The following RBFOX1 variants were observed in gnomAD, a reference collection of about 807,000 sequenced individuals.
The protein encoded by RBFOX1 is RNA binding protein fox-1 homolog 1.
Under a neutral mutation model 57.7 loss-of-function variants are expected in RBFOX1, and 8 were observed. The ratio of observed to expected loss-of-function variants is 0.14; its 90% CI spans 0.08 to 0.25. RBFOX1 has a LOEUF of 0.25. RBFOX1 is among the 10% of genes least tolerant of loss of function. The pLI is 1.00. For missense variants in RBFOX1, 611 were observed against 548.5 expected (o/e 1.11, Z -1.14); for synonymous variants, 326 against 222.4 (o/e 1.47, Z -4.15).
intron 1 of RBFOX1, among the ~76,000 whole-genome samples, chr16:6,045,527 GTTCA>G (rs1282523616): frequency 3.9e-5 from 6 of 152,216 alleles, no homozygotes; most frequent in East Asian, 1.9e-4. Flanking sequence ...TCATTCATTT[GTTCA>G]TTCATTCATT....
intron 4 of RBFOX1, among the ~76,000 whole-genome samples, chr16:7,418,435 A>T (rs1322244527): frequency 2.6e-5 from 4 of 152,162 alleles, no homozygotes; most frequent in Non-Finnish European, 2.9e-5. Context: ...TGAGGTGACC[A>T]CTGCCCCTTT....
At chr16:6,965,482 G>A (rs1194678819) in intron 3 of RBFOX1, among the ~76,000 whole-genome samples, 4 of 151,980 alleles carry the variant, frequency 2.6e-5, no homozygotes, top group Non-Finnish European at 4.4e-5. Context: ...GATTACAGGC[G>A]TGCGCCACCA....
At chr16:5,546,147 C>T (rs1482695845) in intron 2 of RBFOX1, among the ~76,000 whole-genome samples, 1 of 151,974 alleles carries the variant, frequency 6.6e-6, no homozygotes, top group African/African-American at 2.4e-5. Flanking sequence ...CTGAAAATTA[C>T]AATATATTAA....
intron 3 of RBFOX1, among the ~76,000 whole-genome samples, chr16:6,723,353 A>T (rs914950339): frequency 5.3e-5 from 8 of 151,896 alleles, no homozygotes; most frequent in Non-Finnish European, 1.0e-4. Flanking sequence ...AGGTTATAAC[A>T]TTGAGTATAG....
chr16:7,149,434 G>T (rs1291067873), intron 4 of RBFOX1, among the ~76,000 whole-genome samples: 1 of 151,170 alleles, frequency 6.6e-6, no homozygotes, highest in African/African-American at 2.4e-5. Flanking sequence ...TGTCTTTCAT[G>T]GATTGGTGCA....
intron 1 of RBFOX1, among the ~76,000 whole-genome samples, chr16:5,410,153 C>G (rs531041501): frequency 6.6e-6 from 1 of 151,522 alleles, no homozygotes; most frequent in African/African-American, 2.4e-5. Flanking sequence ...CACTTCAGCC[C>G]AGGAGTTCGA....
At chr16:7,685,194 C>G (rs1052696445) in intron 14 of RBFOX1, among the ~76,000 whole-genome samples, 45 of 152,066 alleles carry the variant, frequency 3.0e-4, no homozygotes, top group African/African-American at 1.0e-3. Context: ...CTGTTCTACC[C>G]CGATATGCCA....
chr16:7,529,411 A>T (rs1202458961), intron 5 of RBFOX1, among the ~76,000 whole-genome samples: 1 of 152,230 alleles, frequency 6.6e-6, no homozygotes, highest in Non-Finnish European at 1.5e-5. Context: ...ACAAAATTAC[A>T]AGCGTGATGG....
chr16:6,556,247 C>G (rs1272618136), intron 2 of RBFOX1, among the ~76,000 whole-genome samples: 1 of 152,110 alleles, frequency 6.6e-6, no homozygotes, highest in Non-Finnish European at 1.5e-5. Context: ...TATCACGGAT[C>G]CTGCATGTGT....
At chr16:5,690,757 A>G (rs1344854857) in intron 3 of RBFOX1, among the ~76,000 whole-genome samples, 1 of 152,134 alleles carries the variant, frequency 6.6e-6, no homozygotes, top group Non-Finnish European at 1.5e-5. Context: ...GTCTTTCTCT[A>G]AGAAGCTGTG....
chr16:7,118,501 A>G (rs1009304931), intron 4 of RBFOX1, among the ~76,000 whole-genome samples: 4 of 152,172 alleles, frequency 2.6e-5, no homozygotes, highest in Non-Finnish European at 5.9e-5. Context: ...GTTGACAGGT[A>G]CACTCAAAGC....
intron 4 of RBFOX1, among the ~76,000 whole-genome samples, chr16:7,210,837 A>T (rs1009621821): frequency 6.6e-6 from 1 of 152,174 alleles, no homozygotes; most frequent in African/African-American, 2.4e-5. Context: ...GTACAGTATG[A>T]TGACTCTAAG....
At chr16:6,093,025 C>T (rs1287594695) in intron 1 of RBFOX1, 1 of 152,120 alleles carries the variant, frequency 6.6e-6, no homozygotes, top group Non-Finnish European at 1.5e-5. Flanking sequence ...ATGCAATTTA[C>T]CTGTATGACA....
chr16:7,529,790 C>G (rs1475497906), intron 5 of RBFOX1, among the ~76,000 whole-genome samples: 4 of 152,066 alleles, frequency 2.6e-5, no homozygotes, highest in South Asian at 2.1e-4. Context: ...GGGCAGATCA[C>G]TTGAGGTCAG....
At chr16:5,681,618 C>T (rs1038910498) in intron 3 of RBFOX1, among the ~76,000 whole-genome samples, 2 of 152,012 alleles carry the variant, frequency 1.3e-5, no homozygotes, top group Non-Finnish European at 1.5e-5. Context: ...GACTCGAACT[C>T]CCGACCTCAG....
chr16:6,981,586 G>A (rs1226851773), intron 3 of RBFOX1, among the ~76,000 whole-genome samples: 2 of 152,132 alleles, frequency 1.3e-5, no homozygotes, highest in African/African-American at 4.8e-5. Context: ...CACGTGGCTG[G>A]GGAGGCCTCA....
chr16:7,135,464 A>T (rs1487588572), intron 4 of RBFOX1, among the ~76,000 whole-genome samples: 2 of 152,266 alleles, frequency 1.3e-5, no homozygotes, highest in African/African-American at 4.8e-5. Context: ...AAGCTACAGC[A>T]AATTAAAGGG....
At chr16:6,796,512 A>G (rs985634792) in intron 3 of RBFOX1, among the ~76,000 whole-genome samples, 12 of 152,154 alleles carry the variant, frequency 7.9e-5, no homozygotes, top group Non-Finnish European at 1.8e-4. Flanking sequence ...TCTTTCATCC[A>G]CTGTAAATAA....
intron 1 of RBFOX1, among the ~76,000 whole-genome samples, chr16:5,339,470 G>GTTTTTTGTTTTTTT (rs2064982780): frequency 2.4e-5 from 1 of 40,854 alleles, no homozygotes; most frequent in African/African-American, 8.2e-5. Context: ...CTTTTTCCGT[G>GTTTTTTGTTTTTTT]TTTTTTTTTT....
Sources: gnomAD v4.1 joint callset for allele counts (sites outside exome capture counted in the v4.1 genomes callset) on GRCh38, gnomAD v4.1.1 for gene constraint, MANE v1.5 for transcripts, NCBI Gene and HGNC (gene_info 2026-07-23, HGNC 2026-07-21) for gene names.